Variants in LTK observed in about 807,000 individuals in gnomAD.
LTK encodes leukocyte receptor tyrosine kinase.
In LTK, 117 loss-of-function variants were observed where a neutral mutation model predicts 101.5. The ratio of observed to expected loss-of-function variants is 1.15; its 90% CI spans 0.99 to 1.34. The LOEUF (loss-of-function observed/expected upper bound fraction) is 1.34, where lower values mean the gene tolerates loss of function less well. LTK is among the 40% of genes most tolerant of loss of function. The pLI is 0.00. For missense variants in LTK, 1,252 were observed against 1,164.7 expected, an observed-to-expected ratio of 1.07 and a Z score of -1.09; for synonymous variants, 563 against 494.2, an observed-to-expected ratio of 1.14 and a Z score of -1.85.
chr15:41,510,483 CAG>C (rs978265109), intron 7 of LTK, among the ~76,000 whole-genome samples: 4 of 129,106 alleles, frequency 3.1e-5, no homozygotes, highest in African/African-American at 1.0e-4. Context: ...ATCTTTGAGA[CAG>C]AATTTCCCTC....
At chr15:41,510,739 G>C (rs772948233) in intron 7 of LTK, among the ~76,000 whole-genome samples, 19 of 152,232 alleles carry the variant, frequency 1.2e-4, no homozygotes, top group Admixed American at 3.3e-4. Flanking sequence ...AGAATTACAG[G>C]CGTGAGCCAC....
Position 41,512,825 on chromosome 15 carries a change from G to C in LTK, c.241C>G (p.Pro81Ala). The C allele has an allele frequency of 6.2e-7, 1 of 1,612,468 alleles. No homozygotes were observed. Among genetic ancestry groups the C allele is most frequent in the Non-Finnish European group, 8.5e-7 (1 of 1,179,660 alleles). The change falls in exon 3 of 20, where the codon CCC becomes GCC. Residue 81 changes from proline to alanine, a missense_variant. Transcript: ENST00000263800. The part of the protein sequence containing the change: ...STCGASGRHG[P>A]TQTQCDGAYA... ...GCCCCGTCACATTGTGTCTGTGTGG[G>C]CCCATGCCGGCCGCTGGCCCCGCAG...
At position 41,511,658 on chromosome 15, in the gene LTK, G is replaced by A. The variant is rs1436393685; in HGVS notation, c.658-80C>T. On this transcript the variant is annotated intron_variant, in intron 5 of 19. Transcript: ENST00000263800. The surrounding 1 kb of genome is among the most constrained non-coding windows in gnomAD (Gnocchi z 5.9). ...GCCACTGGGAGAGGGCTCCCGCCCA[G>A]GGGGCCTGGATAAGGGCAGGGGCCC... 7.2e-6 allele frequency: 10 copies of A among 1,398,320 alleles called. No homozygotes were observed. The highest frequency in any genetic ancestry group is 8.3e-6 in the Non-Finnish European group (9 of 1,086,150). 86.6% of individuals were successfully genotyped at this position (1,398,320 alleles called of 1,614,324 possible).
chr15:41,511,833 GCGCCCCCGC>G lies in LTK; in HGVS notation c.632_640del (p.Gly211_Gly213del). 6.7e-7 allele frequency: 1 copy of G among 1,486,560 alleles called. No homozygotes were observed. Among genetic ancestry groups the G allele is most frequent in the Non-Finnish European group, 8.9e-7 (1 of 1,128,558 alleles). The allele number at this position is 1,486,560 out of a possible 1,614,324, so 92.1% of individuals were successfully genotyped here. On this transcript the variant is annotated inframe_deletion, in exon 5 of 20. Coordinates refer to ENST00000263800, the MANE Select transcript of LTK (RefSeq NM_002344.6). This position sits in a 1 kb window ranked among gnomAD's most constrained non-coding sequence, Gnocchi z 5.9. ...AGCACGTACCCGGAAAACGTAGGTG[GCGCCCCCGC>G]CACCCCCGCCACCTCCCGCCCAGCG...
At position 41,504,050 on chromosome 15, in the gene LTK, G is replaced by C; in HGVS notation, c.2541C>G (p.Leu847=). The C allele has an allele frequency of 6.2e-7, 1 of 1,613,610 alleles. No homozygotes were observed. Among genetic ancestry groups the C allele is most frequent in the Admixed American group, 1.7e-5 (1 of 59,982 alleles). The change falls in exon 20 of 20, where the codon CTC becomes CTG. Residue 847 remains leucine, a synonymous_variant. Coordinates refer to ENST00000263800, the MANE Select transcript of LTK (RefSeq NM_002344.6). ...GPWLSSGLKP[L]KSRGLQPQNL... ...TCTGAGGTTGGAGGCCCCTGGATTT[G>C]AGGGGCTTGAGGCCAGAGGACAGCC...
Position 41,511,492 on chromosome 15 carries a change from A to G in LTK, c.744T>C (p.Thr248=). 2 of 1,473,406 alleles carry G rather than the reference A, an allele frequency of 1.4e-6. No homozygotes were observed. Among genetic ancestry groups the G allele is most frequent in the South Asian group, 1.3e-5 (1 of 74,706 alleles). 91.3% of individuals were successfully genotyped at this position (1,473,406 alleles called of 1,614,324 possible). ...TCTCCAGTTTCTCGGGGGAGGCCTG[A>G]GTCCGGCCTCGGTCCCGCGGCCTCA... ...AYLRPRDRGR[T]QASPEKLENR... The change falls in exon 6 of 20, where the codon ACT becomes ACC. Residue 248 remains threonine (T), a synonymous_variant. Transcript: ENST00000263800. This position sits in a 1 kb window ranked among gnomAD's most constrained non-coding sequence, Gnocchi z 5.9.
chr15:41,512,846 C>G lies in LTK; in HGVS notation c.220G>C (p.Gly74Arg), dbSNP rs374997462. The change falls in exon 3 of 20, where the codon GGG (glycine) becomes CGG (arginine). Residue 74 changes from glycine to arginine, a missense_variant. Coordinates refer to ENST00000263800, the MANE Select transcript of LTK (RefSeq NM_002344.6). The part of the protein sequence containing the change: ...TEGSWLFSTC[G>R]ASGRHGPTQT... ...GTGGGCCCATGCCGGCCGCTGGCCCCGCAGGTAGAAAACAGCCAAGACCCC... is the reference window on the plus strand; with the variant it reads ...GTGGGCCCATGCCGGCCGCTGGCCCGGCAGGTAGAAAACAGCCAAGACCCC... 1.4e-5 allele frequency: 22 copies of G among 1,612,150 alleles called. No individual in the cohort carries two copies. Among genetic ancestry groups the G allele is most frequent in the Non-Finnish European group, 1.8e-5 (21 of 1,179,518 alleles).
rs567751050 is a variant in LTK, at chr15:41,512,639, T to C, written c.359+68A>G. 1.8e-5 allele frequency: 26 copies of C among 1,455,652 alleles called. 1 individual carries two copies. In the South Asian group the frequency reaches 3.3e-4, roughly 19 times the overall value. 90.2% of individuals were successfully genotyped at this position (1,455,652 alleles called of 1,614,324 possible). ...ACGCAAGTCGGTGCGCACGTGGACT[T>C]CGTTACCCTGAGGGTGAAACCTCCA... On this transcript the variant is annotated intron_variant, in intron 3 of 19. Coordinates refer to ENST00000263800, the MANE Select transcript of LTK (RefSeq NM_002344.6).
intron 7 of LTK, among the ~76,000 whole-genome samples, chr15:41,510,110 G>A (rs984409755): frequency 2.0e-5 from 3 of 150,338 alleles, no homozygotes; most frequent in African/African-American, 4.9e-5. Context: ...GGGTTCAAGC[G>A]ATTTTCCTGT....
chr15:41,513,361 G>A (rs1362274263), intron 1 of LTK, among the ~76,000 whole-genome samples: 3 of 152,188 alleles, frequency 2.0e-5, no homozygotes, highest in African/African-American at 7.2e-5. Context: ...CTTAGGGGCC[G>A]CAATGAATTT....
At chr15:41,507,441 C>CT in intron 10 of LTK, 121 bp downstream of exon 10, 1 of 1,545,408 alleles carries the variant, frequency 6.5e-7, no homozygotes, top group South Asian at 1.2e-5. Context: ...CCAGAGGAGT[C>CT]TACCACGGCT....
At chr15:41,508,031 C>T (rs1461490967) in intron 9 of LTK, 38 bp downstream of exon 9, 9 of 1,547,868 alleles carry the variant, frequency 5.8e-6, no homozygotes, top group Non-Finnish European at 7.8e-6. Context: ...CAGTCTGTGA[C>T]CCCAGGAGTC....
In LTK at chr15:41,511,176, C is replaced by T; in HGVS notation, c.985G>A (p.Gly329Ser). 7.1e-7 allele frequency: 1 copy of T among 1,403,322 alleles called. No individual in the cohort carries two copies. The highest frequency in any genetic ancestry group is 1.5e-5 in the African/African-American group (1 of 66,166). 86.9% of individuals were successfully genotyped at this position (1,403,322 alleles called of 1,614,324 possible). The change falls in exon 7 of 20, where the codon GGC (glycine) becomes AGC (serine). Residue 329 changes from glycine (G) to serine (S), a missense_variant. By Grantham distance (56) the Gly-to-Ser change is moderately conservative. Transcript: ENST00000263800. This position sits in a 1 kb window ranked among gnomAD's most constrained non-coding sequence, Gnocchi z 5.9. ...ACGGTGCACCTACCCCTGTAGCCGC[C>T]GCCGCCTCCGCCCGCAGTGCAGGCC... ...GGACTAGGGGGGYRGGDASET... is the reference protein window; with the variant it reads ...GGACTAGGGGSGYRGGDASET...
rs1217322252 is a variant in LTK, at chr15:41,507,956, C to A, written c.1249+113G>T. 3.4e-6 allele frequency: 4 copies of A among 1,174,638 alleles called. No individual in the cohort carries two copies. In the African/African-American group the frequency reaches 6.1e-5, roughly 18 times the overall value. 72.8% of individuals were successfully genotyped at this position (1,174,638 alleles called of 1,614,324 possible). On this transcript the variant is annotated intron_variant, in intron 9 of 19. Coordinates refer to ENST00000263800, the MANE Select transcript of LTK (RefSeq NM_002344.6). ...GAATCTCCAATCCCCTGCCCAGCAC[C>A]CACCACAGGGCCTGGCACACAGCAA...
chr15:41,507,239 T>C lies in LTK; in HGVS notation c.1397A>G (p.Glu466Gly). ...GGTTCGAAGCTTGCTCAGCTCAAGC[T>C]CAGGGCTCGGCAGCCTCATCTCCTG... ...GLQEMRLPSP[E>G]LELSKLRTSA... The change falls in exon 11 of 20, where the codon GAG becomes GGG. Residue 466 changes from glutamate (E) to glycine (G), a missense_variant. Coordinates refer to ENST00000263800, the MANE Select transcript of LTK (RefSeq NM_002344.6). 1 of 1,611,092 alleles carries C rather than the reference T, an allele frequency of 6.2e-7. No homozygotes were observed. The highest frequency in any genetic ancestry group is 1.1e-5 in the South Asian group (1 of 90,878).
rs776951417 is a variant in LTK, at chr15:41,504,975, T to A, written c.2015A>T (p.Tyr672Phe). The change falls in exon 16 of 20, where the codon TAC becomes TTC. Residue 672 changes from tyrosine (Y) to phenylalanine (F), a missense_variant. By Grantham distance (22) the Tyr-to-Phe change is conservative (BLOSUM62 3). Coordinates refer to ENST00000263800, the MANE Select transcript of LTK (RefSeq NM_002344.6). Reference sequence around the variant, plus strand: ...TCCCACCTCCCAAGTCCCGCACCGGTAGATATCTCGTGCCATCCCAAAGTC... The same window carrying A: ...TCCCACCTCCCAAGTCCCGCACCGGAAGATATCTCGTGCCATCCCAAAGTC... ...IGDFGMARDIYRASYYRRGDR... is the reference protein window; with the variant it reads ...IGDFGMARDIFRASYYRRGDR... The A allele has an allele frequency of 1.8e-5, 29 of 1,610,634 alleles. No homozygotes were observed. Among genetic ancestry groups the A allele is most frequent in the Middle Eastern group, 3.3e-4 (2 of 6,054 alleles).
In LTK at chr15:41,511,891, T is replaced by G. The variant is rs754910989; in HGVS notation, c.583A>C (p.Ser195Arg). 2.1e-6 allele frequency: 3 copies of G among 1,454,528 alleles called. No homozygotes were observed. In the South Asian group the frequency reaches 4.0e-5, roughly 19 times the overall value. 90.1% of individuals were successfully genotyped at this position (1,454,528 alleles called of 1,614,324 possible). Residue 195 changes from serine to arginine, a missense_variant, in exon 5 of 20, where the codon AGC becomes CGC. By Grantham distance (110) the Ser-to-Arg change is moderately radical (BLOSUM62 -1). Coordinates refer to ENST00000263800, the MANE Select transcript of LTK (RefSeq NM_002344.6). The surrounding 1 kb of genome is among the most constrained non-coding windows in gnomAD (Gnocchi z 5.9). Reference protein sequence around the residue: ...AVEEHAAMDGSEGVPGSRRWA... With the variant: ...AVEEHAAMDGREGVPGSRRWA... ...CGCCGCGACCCCGGGACCCCTTCGC[T>G]CCCATCCATCGCCGCGTGCTCTTCA...
At chr15:41,509,716 G>A (rs1304476059) in intron 7 of LTK, among the ~76,000 whole-genome samples, 10 of 151,776 alleles carry the variant, frequency 6.6e-5, no homozygotes, top group Non-Finnish European at 1.0e-4. Context: ...AAAATTAGCC[G>A]GGCATGGTGG....
intron 3 of LTK, among the ~76,000 whole-genome samples, 181 bp from the exon 4 acceptor site, chr15:41,512,446 T>C (rs898636571): frequency 6.6e-6 from 1 of 152,172 alleles, no homozygotes; most frequent in Admixed American, 6.5e-5. Flanking sequence ...ATTACACTTA[T>C]TTCAGGAGGG....
Sources: allele counts gnomAD v4.1 joint callset (sites outside exome capture counted in the v4.1 genomes callset), GRCh38; gene constraint gnomAD v4.1.1; non-coding constraint Gnocchi (gnomAD v3.1); transcripts MANE v1.5; gene names NCBI Gene and HGNC (gene_info 2026-07-23, HGNC 2026-07-21).